MET: variants seen among roughly 807,000 people sequenced by gnomAD.
MET encodes MET proto-oncogene, receptor tyrosine kinase.
Under a neutral mutation model 133.1 loss-of-function variants are expected in MET, and 48 were observed. That is an observed-to-expected ratio of 0.36 (90% CI 0.29 to 0.46). The LOEUF is 0.46. MET is among the 20% of genes least tolerant of loss of function. MET has a pLI of 1.00. For synonymous variants in MET, 628 were observed against 616.5 expected (o/e 1.02, Z -0.28); for missense variants, 1,442 against 1,695.9 (o/e 0.85, Z 2.63).
intron 2 of MET, among the ~76,000 whole-genome samples, chr7:116,723,490 T>G (rs1487721453): frequency 1.3e-5 from 2 of 152,248 alleles, no homozygotes; most frequent in African/African-American, 4.8e-5. Flanking sequence ...CTCGCCAAAG[T>G]CATTCTCCAT....
chr7:116,789,317 A>T (rs2117085986), intron 19 of MET, among the ~76,000 whole-genome samples: 1 of 152,304 alleles, frequency 6.6e-6, no homozygotes, highest in East Asian at 1.9e-4. Flanking sequence ...GGATGTCATC[A>T]TCAGTGTCAC....
intron 3 of MET, among the ~76,000 whole-genome samples, chr7:116,732,320 T>C (rs1378200304): frequency 6.6e-6 from 1 of 152,158 alleles, no homozygotes; most frequent in Non-Finnish European, 1.5e-5. Context: ...AAAATCCCAT[T>C]GTAACTCAAG....
intron 19 of MET, among the ~76,000 whole-genome samples, chr7:116,787,417 A>G (rs1057330863): frequency 6.6e-6 from 1 of 152,198 alleles, no homozygotes; most frequent in Non-Finnish European, 1.5e-5. Context: ...ATGAACAGAA[A>G]TGTATTTGGC....
At chr7:116,758,956 C>A (rs1794292511) in intron 9 of MET, among the ~76,000 whole-genome samples, 1 of 152,060 alleles carries the variant, frequency 6.6e-6, no homozygotes, top group South Asian at 2.1e-4. Context: ...GTGGAATTAC[C>A]TTTTTTCTTC....
intron 1 of MET, among the ~76,000 whole-genome samples, chr7:116,692,999 C>T (rs1019199577): frequency 6.6e-6 from 1 of 152,102 alleles, no homozygotes; most frequent in African/African-American, 2.4e-5. Flanking sequence ...CCAGACACAT[C>T]ATGGGGGAAT....
intron 1 of MET, among the ~76,000 whole-genome samples, chr7:116,678,327 T>C (rs1458191852): frequency 6.6e-6 from 1 of 152,182 alleles, no homozygotes; most frequent in African/African-American, 2.4e-5. Context: ...ACAGTATACA[T>C]ATTAAGATCA....
At chr7:116,752,854 G>GCAA (rs928304839) in intron 5 of MET, among the ~76,000 whole-genome samples, 6 of 152,132 alleles carry the variant, frequency 3.9e-5, no homozygotes, top group African/African-American at 1.4e-4. Flanking sequence ...TCAGCCTTGG[G>GCAA]CAGCGTTTTC....
At chr7:116,754,934 AG>A (rs1794086273) in intron 5 of MET, among the ~76,000 whole-genome samples, 2 of 144,556 alleles carry the variant, frequency 1.4e-5, no homozygotes, top group African/African-American at 2.5e-5. Flanking sequence ...AAAGAAAGAA[AG>A]AAAGAAAGAA....
At chr7:116,793,424 C>T (rs1029430722) in intron 19 of MET, among the ~76,000 whole-genome samples, 4 of 151,730 alleles carry the variant, frequency 2.6e-5, no homozygotes, top group Non-Finnish European at 5.9e-5. Context: ...ATCTGCCCAC[C>T]CCCGCCTCCC....
chr7:116,778,581 G>A (rs1277998285), intron 16 of MET, among the ~76,000 whole-genome samples, 195 bp from the exon 17 acceptor site: 5 of 152,114 alleles, frequency 3.3e-5, no homozygotes, highest in Admixed American at 1.3e-4. Flanking sequence ...GTGGGCATAG[G>A]TGGTGACTGG....
chr7:116,688,580 G>A (rs191064598), intron 1 of MET, among the ~76,000 whole-genome samples: 62 of 152,280 alleles, frequency 4.1e-4, no homozygotes, highest in Admixed American at 2.6e-3. Flanking sequence ...TTTACATTAT[G>A]TACAATGGTA....
At chr7:116,768,505 A>G (rs1794712295) in intron 11 of MET, among the ~76,000 whole-genome samples, 1 of 152,134 alleles carries the variant, frequency 6.6e-6, no homozygotes, top group Admixed American at 6.6e-5. Context: ...TATCATAAGG[A>G]TAGGGTTTGT....
intron 3 of MET, among the ~76,000 whole-genome samples, chr7:116,735,125 G>A (rs760728977): frequency 6.6e-6 from 1 of 152,164 alleles, no homozygotes; most frequent in Non-Finnish European, 1.5e-5. Context: ...ACTACTATGT[G>A]CACTACACTG....
chr7:116,680,114 T>C (rs1176051274), intron 1 of MET, among the ~76,000 whole-genome samples: 1 of 152,074 alleles, frequency 6.6e-6, no homozygotes, highest in African/African-American at 2.4e-5. Flanking sequence ...ATTGTGTTAA[T>C]AGGGTCTTAA....
intron 5 of MET, among the ~76,000 whole-genome samples, chr7:116,743,346 C>G (rs1156986130): frequency 6.6e-6 from 1 of 152,024 alleles, no homozygotes; most frequent in Non-Finnish European, 1.5e-5. Flanking sequence ...TTTTTCATAC[C>G]CCAGTGGTGC....
chr7:116,698,962 A>C, intron 1 of MET, 109 bp from the exon 2 acceptor site: 1 of 1,495,424 alleles, frequency 6.7e-7, no homozygotes, highest in Non-Finnish European at 9.1e-7. Flanking sequence ...TTCTATGTAA[A>C]AGTCCAGTTG....
In MET at chr7:116,778,954, T is replaced by G; in HGVS notation, c.3519T>G (p.Thr1173=). ...GDLRNFIRNE[T]HNPTVKDLIG... is the part of the protein sequence containing the mutation. ...TTCGAAATTTCATTCGAAATGAGACTCATGTAAGTTGACTGCCAAGCTTAC... is the reference window on the plus strand; with the variant it reads ...TTCGAAATTTCATTCGAAATGAGACGCATGTAAGTTGACTGCCAAGCTTAC... Residue 1173 remains threonine, a synonymous_variant, in exon 17 of 21, where the codon ACT becomes ACG. Coordinates refer to ENST00000397752, the MANE Select transcript of MET (RefSeq NM_000245.4). 1 of 1,613,702 alleles carries G rather than the reference T, an allele frequency of 6.2e-7. No individual in the cohort carries two copies. Among genetic ancestry groups the G allele is most frequent in the Non-Finnish European group, 8.5e-7 (1 of 1,179,886 alleles).
chr7:116,731,756 T>C lies in MET; in HGVS notation c.1289T>C (p.Phe430Ser). 6.2e-7 allele frequency: 1 copy of C among 1,614,112 alleles called. No homozygotes were observed. The highest frequency in any genetic ancestry group is 8.5e-7 in the Non-Finnish European group (1 of 1,179,970). Reference sequence around the variant, plus strand: ...ACAGCTTTGCAGCGCGTTGACTTATTCATGGGTCAATTCAGCGAAGTCCTC... The same window carrying C: ...ACAGCTTTGCAGCGCGTTGACTTATCCATGGGTCAATTCAGCGAAGTCCTC... Reference protein sequence around the residue: ...FTTALQRVDLFMGQFSEVLLT... With the variant: ...FTTALQRVDLSMGQFSEVLLT... Residue 430 changes from phenylalanine to serine, a missense_variant, in exon 3 of 21, where the codon TTC (phenylalanine) becomes TCC (serine). Coordinates refer to ENST00000397752, the MANE Select transcript of MET (RefSeq NM_000245.4).
rs371379572 is a variant in MET, at chr7:116,771,874, C to T, written c.2913C>T (p.Tyr971=). 53 of 1,613,748 alleles carry T rather than the reference C, an allele frequency of 3.3e-5. No individual in the cohort carries two copies. The highest frequency in any genetic ancestry group is 2.0e-4 in the South Asian group (18 of 91,072). The change falls in exon 14 of 21, where the codon TAC becomes TAT. Residue 971 remains tyrosine (Y), a synonymous_variant. Coordinates refer to ENST00000397752, the MANE Select transcript of MET (RefSeq NM_000245.4). ...ATCTGGGCAGTGAATTAGTTCGCTACGATGCAAGAGTACACACTCCTCATT... is the reference window on the plus strand; with the variant it reads ...ATCTGGGCAGTGAATTAGTTCGCTATGATGCAAGAGTACACACTCCTCATT... ...IKDLGSELVR[Y]DARVHTPHLD...
Sources: gnomAD v4.1 joint callset for allele counts (sites outside exome capture counted in the v4.1 genomes callset) on GRCh38, gnomAD v4.1.1 for gene constraint, MANE v1.5 for transcripts, NCBI Gene and HGNC (gene_info 2026-07-23, HGNC 2026-07-21) for gene names.